C2CD3: variants seen among roughly 807,000 people sequenced by gnomAD.
C2CD3 encodes the protein C2 domain-containing protein 3.
A neutral mutation model predicts 234.0 loss-of-function variants in C2CD3; 148 were observed. The observed-to-expected ratio is 0.63, with a 90% CI of 0.55 to 0.72. The LOEUF is 0.72. Ranked by LOEUF, C2CD3 falls within the 30% of genes least tolerant of loss-of-function variation. The probability of loss-of-function intolerance (pLI) is 0.00; values close to 1 mark genes in which losing one functional copy is unlikely to be tolerated. For synonymous variants in C2CD3, 1,000 were observed against 1,035.4 expected (o/e 0.97, Z 0.66); for missense variants, 2,577 against 2,811.5 (o/e 0.92, Z 1.89).
chr11:74,107,322 T>TCTCACACACACACACACA (rs948551188), intron 12 of C2CD3, among the ~76,000 whole-genome samples: 2,147 of 146,580 alleles, frequency 0.015, 47 homozygotes, highest in African/African-American at 0.05. Flanking sequence ...TGAAACTGTG[T>TCTCACACACACACACACA]CACACACACA....
chr11:74,100,920 G>A (rs1266142165), intron 14 of C2CD3, among the ~76,000 whole-genome samples: 1 of 152,176 alleles, frequency 6.6e-6, no homozygotes, highest in Non-Finnish European at 1.5e-5. Context: ...CATACAGGTG[G>A]AGCTTTGAGG....
chr11:74,084,806 A>G, intron 22 of C2CD3, 75 bp downstream of exon 22: 1 of 875,606 alleles, frequency 1.1e-6, no homozygotes. Context: ...TACATGAGAG[A>G]CAGAGAAGAT....
intron 5 of C2CD3, 35 bp downstream of exon 5, chr11:74,138,685 G>A (rs1957947907): frequency 6.4e-7 from 1 of 1,571,612 alleles, no homozygotes; most frequent in Admixed American, 1.7e-5. Flanking sequence ...CATAAACGTA[G>A]TTTAGTCTGA....
chr11:74,135,800 C>T (rs1726752), intron 5 of C2CD3, among the ~76,000 whole-genome samples: 1 of 151,914 alleles, frequency 6.6e-6, no homozygotes, highest in South Asian at 2.1e-4. Flanking sequence ...CTTGTGGTTG[C>T]AAGACACCTT....
intron 7 of C2CD3, chr11:74,129,151 C>T (rs1438928530): frequency 5.2e-5 from 9 of 174,472 alleles, no homozygotes; most frequent in Admixed American, 1.3e-4. Context: ...ACCTCCCGGA[C>T]GGGGCGGCTG....
chr11:74,080,285 T>G (rs1205204540), intron 22 of C2CD3, among the ~76,000 whole-genome samples: 1 of 152,214 alleles, frequency 6.6e-6, no homozygotes, highest in Non-Finnish European at 1.5e-5. Context: ...GGTATTTAAC[T>G]TTTCTGGGTG....
intron 3 of C2CD3, among the ~76,000 whole-genome samples, chr11:74,160,336 A>C (rs1856372026): frequency 6.6e-6 from 1 of 152,190 alleles, no homozygotes; most frequent in Non-Finnish European, 1.5e-5. Flanking sequence ...TGTGGAATCA[A>C]CCTAAGCATT....
At chr11:74,044,195 C>T (rs1053634396) in intron 28 of C2CD3, among the ~76,000 whole-genome samples, 5 of 151,866 alleles carry the variant, frequency 3.3e-5, no homozygotes, top group Admixed American at 2.0e-4. Flanking sequence ...CAGTGGCTCA[C>T]GCCTGTAATC....
At position 74,078,722 on chromosome 11, in the gene C2CD3, C is replaced by A. The variant is rs766056427; in HGVS notation, c.4001-5G>T. ...TAGGATACCATCCTGTGATCCCTTA[C>A]GGGAGAAAATAAAGATTCTCAATTA... On this transcript the variant is annotated splice_polypyrimidine_tract_variant and splice_region_variant and intron_variant, in intron 22 of 32. Coordinates refer to ENST00000334126, the MANE Select transcript of C2CD3 (RefSeq NM_001286577.2). 51 of 1,573,226 alleles carry A rather than the reference C, an allele frequency of 3.2e-5. No homozygotes were observed. The East Asian group carries it at 1.0e-3, about 32-fold the overall frequency.
At chr11:74,167,455 TA>T (rs1856883692) in intron 2 of C2CD3, among the ~76,000 whole-genome samples, 1 of 152,342 alleles carries the variant, frequency 6.6e-6, no homozygotes, top group African/African-American at 2.4e-5. Flanking sequence ...CCATGGTGCC[TA>T]AAACAATGTG....
chr11:74,047,793 GC>G, intron 28 of C2CD3, among the ~76,000 whole-genome samples: 1 of 152,226 alleles, frequency 6.6e-6, no homozygotes, highest in Non-Finnish European at 1.5e-5. Flanking sequence ...GATGGAACAT[GC>G]TCTAGCCCTG....
chr11:74,120,866 C>A (rs1421701018), intron 8 of C2CD3, among the ~76,000 whole-genome samples: 1 of 152,032 alleles, frequency 6.6e-6, no homozygotes, highest in Non-Finnish European at 1.5e-5. Flanking sequence ...TAGGGAGATA[C>A]AAGAGCTAAG....
At chr11:74,058,292 A>G (rs1196549522) in intron 24 of C2CD3, among the ~76,000 whole-genome samples, 1 of 152,182 alleles carries the variant, frequency 6.6e-6, no homozygotes, top group Non-Finnish European at 1.5e-5. Flanking sequence ...ATTAAGATAA[A>G]TACTAAGAGT....
At chr11:74,169,405 G>A (rs1475027048) in intron 1 of C2CD3, among the ~76,000 whole-genome samples, 2 of 152,096 alleles carry the variant, frequency 1.3e-5, no homozygotes, top group African/African-American at 2.4e-5. Context: ...AAAACTTAAA[G>A]GAGATTTAAG....
chr11:74,028,186 C>G, intron 32 of C2CD3, 101 bp downstream of exon 32: 1 of 837,186 alleles, frequency 1.2e-6, no homozygotes, highest in Non-Finnish European at 1.9e-6. Flanking sequence ...CTGCTGCAGC[C>G]TTTCCAGGAA....
At chr11:74,140,614 G>A (rs967509025) in intron 3 of C2CD3, among the ~76,000 whole-genome samples, 3 of 152,110 alleles carry the variant, frequency 2.0e-5, no homozygotes, top group African/African-American at 7.2e-5. Flanking sequence ...ATCCTGATTA[G>A]ATTATGCATT....
chr11:74,154,569 A>G (rs1411731556), intron 3 of C2CD3, among the ~76,000 whole-genome samples: 1 of 152,260 alleles, frequency 6.6e-6, no homozygotes, highest in Non-Finnish European at 1.5e-5. Flanking sequence ...AAACTTGAAC[A>G]AACAATCCAC....
intron 32 of C2CD3, among the ~76,000 whole-genome samples, chr11:74,020,438 T>A (rs1469447313): frequency 6.6e-6 from 1 of 152,268 alleles, no homozygotes; most frequent in Non-Finnish European, 1.5e-5. Flanking sequence ...CCACCCCACA[T>A]GGCTCTGTCT....
intron 26 of C2CD3, among the ~76,000 whole-genome samples, chr11:74,054,271 C>CA (rs576353352): frequency 0.027 from 2,555 of 94,224 alleles, 51 homozygotes; most frequent in Non-Finnish European, 0.039. Flanking sequence ...GATTCTGTCT[C>CA]AAAAAAAAAA....
Sources: allele counts gnomAD v4.1 joint callset (sites outside exome capture counted in the v4.1 genomes callset), GRCh38; gene constraint gnomAD v4.1.1; transcripts MANE v1.5; gene names NCBI Gene and HGNC (gene_info 2026-07-23, HGNC 2026-07-21).